GRM4: variants seen among roughly 807,000 people sequenced by gnomAD.
GRM4 encodes metabotropic glutamate receptor 4.
A neutral mutation model predicts 81.7 loss-of-function variants in GRM4; 28 were observed. The observed-to-expected ratio is 0.34, with a 90% CI of 0.25 to 0.47. The LOEUF is 0.47. GRM4 is among the 20% of genes least tolerant of loss of function. GRM4 has a pLI of 1.00. For missense variants in GRM4, 948 were observed against 1,290.0 expected (o/e 0.73, Z 4.06); for synonymous variants, 488 against 528.8 (o/e 0.92, Z 1.06).
In GRM4 at chr6:34,043,156, C is replaced by T. The variant is rs141118080; in HGVS notation, c.1169-2408G>A. On this transcript the variant is annotated intron_variant, in intron 6 of 10. Transcript: ENST00000538487. ...GGCACTTCCAGCTTCTAGACCCCAC[C>T]CCTGCTCCATCCCAGGCTGCATTTG... Among the ~76,000 whole-genome samples, 46 of 152,346 alleles carry T rather than the reference C, an allele frequency of 3.0e-4. No individual in the cohort carries two copies. In the East Asian group the frequency reaches 8.3e-3, roughly 27 times the overall value.
intron 1 of GRM4, among the ~76,000 whole-genome samples, chr6:34,143,480 C>T (rs115926387): frequency 2.6e-4 from 39 of 152,348 alleles, no homozygotes; most frequent in African/African-American, 8.4e-4. Flanking sequence ...TATGGGTGCT[C>T]ACACCCCAGA....
chr6:34,095,420 G>A (rs2127489164), intron 2 of GRM4, among the ~76,000 whole-genome samples: 1 of 152,182 alleles, frequency 6.6e-6, no homozygotes, highest in African/African-American at 2.4e-5. Context: ...TCAAATCCCA[G>A]CTCCACCTCT....
rs537259785 is a variant in GRM4 at position 34,091,891 on chromosome 6, C to A, written c.728G>T (p.Arg243Leu). The A allele has an allele frequency of 1.2e-6, 2 of 1,611,626 alleles. No homozygotes were observed. The highest frequency in any genetic ancestry group is 2.2e-5 in the East Asian group (1 of 44,880). Reference sequence around the variant, plus strand: ...CCAGGCGTTTGACTCACCGTCCTCACGGGACTTCTGGATGAAGGCCTCCAC... The same window carrying A: ...CCAGGCGTTTGACTCACCGTCCTCAAGGGACTTCTGGATGAAGGCCTCCAC... Reference protein sequence around the residue: ...SGVEAFIQKSREDGGVCIAQS... With the variant: ...SGVEAFIQKSLEDGGVCIAQS... Residue 243 changes from arginine to leucine, a missense_variant, in exon 3 of 11, where the codon CGT becomes CTT. By Grantham distance (102) the Arg-to-Leu change is moderately radical. Transcript: ENST00000538487.
intron 1 of GRM4, among the ~76,000 whole-genome samples, chr6:34,142,757 CCT>C (rs968621827): frequency 3.9e-5 from 6 of 152,246 alleles, no homozygotes; most frequent in African/African-American, 1.4e-4. Context: ...CAAGGCGCTC[CCT>C]CTCAGAGAAG....
intron 3 of GRM4, among the ~76,000 whole-genome samples, chr6:34,088,855 A>G (rs1768049767): frequency 6.6e-6 from 1 of 152,214 alleles, no homozygotes; most frequent in Admixed American, 6.5e-5. Flanking sequence ...GATTGCCCAG[A>G]GCATGTGTAG....
At position 34,095,528 on chromosome 6, in the gene GRM4, G is replaced by T. The variant is rs138624975; in HGVS notation, c.520-3429C>A. ...ATAATTACAATAGCTGTCTCCTAAG[G>T]CTGTGAGGGTCACATGAGGGAATTC... On this transcript the variant is annotated intron_variant, in intron 2 of 10. Coordinates refer to ENST00000538487, the MANE Select transcript of GRM4 (RefSeq NM_000841.4). Among the ~76,000 whole-genome samples, 403 of 152,314 alleles carry T rather than the reference G, an allele frequency of 2.6e-3. 2 individuals are homozygous for T. Among genetic ancestry groups the T allele is most frequent in the African/African-American group, 9.2e-3 (381 of 41,558 alleles).
In GRM4 at chr6:34,073,924, G is replaced by C. The variant is rs550171274; in HGVS notation, c.737-11896C>G. ...CTTGGCCTGGTCCTCACTGGCTGGG[G>C]TGACCATGGAGGGGCCTATGGTCCA... On this transcript the variant is annotated intron_variant, in intron 3 of 10. Coordinates refer to ENST00000538487, the MANE Select transcript of GRM4 (RefSeq NM_000841.4). Among the ~76,000 whole-genome samples the C allele has an allele frequency of 7.9e-5, 12 of 152,326 alleles. No individual in the cohort carries two copies. In the South Asian group the frequency reaches 2.5e-3, roughly 32 times the overall value.
chr6:34,022,813 T>A lies in GRM4; in HGVS notation c.*8A>T. The A allele has an allele frequency of 6.2e-7, 1 of 1,612,804 alleles. No homozygotes were observed. On this transcript the variant is annotated 3_prime_UTR_variant, in exon 11 of 11. Coordinates refer to ENST00000538487, the MANE Select transcript of GRM4 (RefSeq NM_000841.4). The surrounding 1 kb of genome is among the most constrained non-coding windows in gnomAD (Gnocchi z 5.6). ...CTCCTCCTCCTGCTGCTCAGCTCCA[T>A]GGACTCGCTAGATTGCATGGTTGGT...
chr6:34,145,421 G>C (rs1770886121), intron 1 of GRM4, among the ~76,000 whole-genome samples: 1 of 152,214 alleles, frequency 6.6e-6, no homozygotes, highest in Non-Finnish European at 1.5e-5. Flanking sequence ...AGGAGCGGGA[G>C]AGGCGGCAAG....
At position 34,152,006 on chromosome 6, in the gene GRM4, G is replaced by A. The variant is rs1429022681; in HGVS notation, c.312+3073C>T. On this transcript the variant is annotated intron_variant, in intron 1 of 8. Coordinates refer to the GRM4 transcript ENST00000374177. This position sits in a 1 kb window ranked among gnomAD's most constrained non-coding sequence, Gnocchi z 4.1. ...CAGGGACCTCACGACTGGGGCCTTA[G>A]ATTGTGTCTGATGCCCCTGTCTTCC... Among the ~76,000 whole-genome samples, 1 of 152,122 alleles carries A rather than the reference G, an allele frequency of 6.6e-6. No homozygotes were observed. Among genetic ancestry groups the A allele is most frequent in the Non-Finnish European group, 1.5e-5 (1 of 68,020 alleles).
chr6:34,025,484 A>C (rs1014427888), intron 10 of GRM4, among the ~76,000 whole-genome samples: 1 of 152,140 alleles, frequency 6.6e-6, no homozygotes, highest in Non-Finnish European at 1.5e-5. Context: ...TGCAGACTAG[A>C]GAAAGTGTAG....
chr6:34,106,472 CCA>C (rs1769133929), intron 2 of GRM4, among the ~76,000 whole-genome samples: 1 of 96,028 alleles, frequency 1.0e-5, no homozygotes, highest in African/African-American at 4.0e-5. Flanking sequence ...AGAGTGAAAA[CCA>C]CAGCTTTCAA....
At chr6:34,058,673 G>A (rs1292511719) in intron 5 of GRM4, among the ~76,000 whole-genome samples, 1 of 152,156 alleles carries the variant, frequency 6.6e-6, no homozygotes, top group African/African-American at 2.4e-5. Flanking sequence ...GGCCTGTCCT[G>A]TAGCCCCGGC....
chr6:34,097,184 C>T (rs1768569759), intron 2 of GRM4, among the ~76,000 whole-genome samples: 1 of 151,964 alleles, frequency 6.6e-6, no homozygotes, highest in South Asian at 2.1e-4. Flanking sequence ...GGATGAGGAG[C>T]CAGGAGGAAA....
At chr6:34,155,412 T>C (rs1771132343) in exon 1 of GRM4, 4 of 1,450,202 alleles carry the variant, frequency 2.8e-6, no homozygotes, top group Non-Finnish European at 3.6e-6. Flanking sequence ...CAGCATCTCC[T>C]GAGCTCCCTC....
At chr6:34,023,560 T>A (rs955995014) in intron 10 of GRM4, among the ~76,000 whole-genome samples, 11 of 152,092 alleles carry the variant, frequency 7.2e-5, no homozygotes, top group Non-Finnish European at 1.5e-4. Context: ...TCTGAGCACC[T>A]ACCCTTTCTA....
intron 3 of GRM4, among the ~76,000 whole-genome samples, chr6:34,065,661 G>A (rs1023869658): frequency 2.2e-4 from 34 of 151,970 alleles, no homozygotes; most frequent in African/African-American, 8.2e-4. Context: ...AATGCCACTT[G>A]CCAGCTGCAA....
At chr6:34,054,659 GC>G (rs1765780492) in intron 6 of GRM4, 1 of 152,258 alleles carries the variant, frequency 6.6e-6, no homozygotes, top group African/African-American at 2.4e-5. Flanking sequence ...ATTCCAGAAA[GC>G]CCTTCCCCTT....
At chr6:34,151,931 G>A (rs953274816) in intron 1 of GRM4, among the ~76,000 whole-genome samples, 45 of 152,146 alleles carry the variant, frequency 3.0e-4, no homozygotes, top group Non-Finnish European at 4.4e-4. Flanking sequence ...CAGGCCACTC[G>A]GGGCAGTTTG....
Sources: allele counts gnomAD v4.1 joint callset (sites outside exome capture counted in the v4.1 genomes callset), GRCh38; gene constraint gnomAD v4.1.1; non-coding constraint Gnocchi (gnomAD v3.1); transcripts MANE v1.5; gene names NCBI Gene and HGNC (gene_info 2026-07-23, HGNC 2026-07-21).